Variants in SHPRH observed in about 807,000 individuals in gnomAD.
SHPRH encodes the protein SNF2 histone linker PHD RING helicase.
Under a neutral mutation model 202.5 loss-of-function variants are expected in SHPRH, and 106 were observed. That is an observed-to-expected ratio of 0.52 (90% CI 0.45 to 0.62). The LOEUF is 0.62. SHPRH is among the 20% of genes least tolerant of loss of function. The pLI is 0.00. For missense variants in SHPRH, 1,710 were observed against 2,020.0 expected, an observed-to-expected ratio of 0.85 and a Z score of 2.94; for synonymous variants, 729 against 686.0, an observed-to-expected ratio of 1.06 and a Z score of -0.98.
intron 5 of SHPRH, 75 bp downstream of exon 5, chr6:145,948,197 T>C: frequency 1.8e-6 from 2 of 1,120,058 alleles, no homozygotes; most frequent in African/African-American, 1.6e-5. Context: ...AAGTTACAGA[T>C]ATGCTAACAA....
chr6:145,943,283 G>T lies in SHPRH; in HGVS notation c.2098C>A (p.Pro700Thr), dbSNP rs1786991060. ...ACAAGGCAGTGGGGGCAGTAAAAAGGCTTGATCTTCAGATTTTTCTCATCA... is the reference window on the plus strand; with the variant it reads ...ACAAGGCAGTGGGGGCAGTAAAAAGTCTTGATCTTCAGATTTTTCTCATCA... The part of the protein sequence containing the change: ...NYDEKNLKIK[P>T]FYCPHCLVAM... The change falls in exon 9 of 30, where the codon CCT becomes ACT. Residue 700 changes from proline to threonine, a missense_variant. By Grantham distance (38) the Pro-to-Thr change is conservative (BLOSUM62 -1). This residue lies in a region of SHPRH where 277 missense variants were observed against 363.0 expected (regional missense o/e 0.76). Transcript: ENST00000275233. 6.2e-7 allele frequency: 1 copy of T among 1,613,734 alleles called. No individual in the cohort carries two copies. Among genetic ancestry groups the T allele is most frequent in the Non-Finnish European group, 8.5e-7 (1 of 1,179,902 alleles).
intron 23 of SHPRH, among the ~76,000 whole-genome samples, chr6:145,916,035 T>A (rs946988172): frequency 2.6e-5 from 4 of 151,926 alleles, no homozygotes; most frequent in African/African-American, 4.8e-5. Context: ...CCCTATTTTG[T>A]TCTTTTTCTA....
chr6:145,864,005 TGTGA>T (rs1335837501), downstream of SHPRH, among the ~76,000 whole-genome samples: 2 of 152,252 alleles, frequency 1.3e-5, no homozygotes, highest in African/African-American at 4.8e-5. Flanking sequence ...ATTTGCATCA[TGTGA>T]GTGTCTGGCT....
At chr6:145,952,285 G>T in intron 3 of SHPRH, 64 bp downstream of exon 3, 1 of 1,419,876 alleles carries the variant, frequency 7.0e-7, no homozygotes, top group Non-Finnish European at 9.5e-7. Flanking sequence ...TATGTCCAGG[G>T]GTTAGAGGAA....
intron 25 of SHPRH, chr6:145,907,871 G>A (rs1783112743): frequency 6.6e-6 from 1 of 152,106 alleles, no homozygotes; most frequent in Admixed American, 6.6e-5. Context: ...CATGTGCCAT[G>A]GTAGTTTGCT....
rs117641232 is a variant in SHPRH at position 145,901,100 on chromosome 6, A to T, written c.4516-6123T>A. 4.2e-3 allele frequency among the ~76,000 whole-genome samples: 638 copies of T among 152,270 alleles called. 18 individuals carry two copies. The East Asian group carries it at 0.071, about 17-fold the overall frequency. ...TTGTATACTACCATAAATATATACA[A>T]TATTTCATTTGACAGTTAACAAAGA... On this transcript the variant is annotated intron_variant, in intron 25 of 29. Transcript: ENST00000275233.
At chr6:145,878,984 A>G (rs1285247074) in intron 2 of SHPRH, among the ~76,000 whole-genome samples, 1 of 152,240 alleles carries the variant, frequency 6.6e-6, no homozygotes, top group African/African-American at 2.4e-5. Flanking sequence ...ATGGACTTCA[A>G]AAGATTTATA....
chr6:145,938,882 A>G (rs1458872979), intron 11 of SHPRH, among the ~76,000 whole-genome samples: 7 of 152,202 alleles, frequency 4.6e-5, no homozygotes, highest in Non-Finnish European at 8.8e-5. Context: ...GCATTCTTCC[A>G]TATTTGACAT....
At chr6:145,948,175 G>A in intron 5 of SHPRH, 97 bp downstream of exon 5, 4 of 813,408 alleles carry the variant, frequency 4.9e-6, no homozygotes, top group South Asian at 4.5e-5. Flanking sequence ...ATTCCTTCAT[G>A]AGGTAGAGTC....
chr6:145,889,650 A>G (rs191451381), intron 28 of SHPRH, among the ~76,000 whole-genome samples: 1 of 152,288 alleles, frequency 6.6e-6, no homozygotes, highest in African/African-American at 2.4e-5. Context: ...AATAAATTTC[A>G]TGTTTAGACT....
chr6:145,946,537 G>T (rs1229484554), intron 6 of SHPRH, among the ~76,000 whole-genome samples, 196 bp from the exon 7 acceptor site: 1 of 151,838 alleles, frequency 6.6e-6, no homozygotes. Flanking sequence ...AAAAAATTGT[G>T]CATATTATCT....
chr6:145,894,909 C>T lies in SHPRH; in HGVS notation c.4584G>A (p.Gly1528=). ...CCGTTGAGAAAACGAGTGCTTTGGC[C>T]CCTGGATCTCTAAGCTGTATTTTCA... ...TLMKIQLRDP[G]AKALVFSTWQ... Residue 1528 remains glycine (G), a synonymous_variant, in exon 26 of 30, where the codon GGG becomes GGA. Coordinates refer to ENST00000275233, the MANE Select transcript of SHPRH (RefSeq NM_001042683.3). The T allele has an allele frequency of 6.2e-7, 1 of 1,612,620 alleles. No individual in the cohort carries two copies. Among genetic ancestry groups the T allele is most frequent in the East Asian group, 2.2e-5 (1 of 44,790 alleles).
chr6:145,944,876 AGTGAGAACCCC>A (rs1787197415), intron 8 of SHPRH, among the ~76,000 whole-genome samples: 1 of 152,006 alleles, frequency 6.6e-6, no homozygotes, highest in South Asian at 2.1e-4. Flanking sequence ...TGGGCAACAT[AGTGAGAACCCC>A]GTCTCTACAA....
At chr6:145,902,367 A>G (rs1782575151) in intron 25 of SHPRH, among the ~76,000 whole-genome samples, 1 of 152,148 alleles carries the variant, frequency 6.6e-6, no homozygotes, top group African/African-American at 2.4e-5. Context: ...TCTGATTGGA[A>G]TAAGGTGTTC....
intron 25 of SHPRH, chr6:145,903,132 A>G (rs1413410610): frequency 2.0e-5 from 3 of 151,914 alleles, no homozygotes; most frequent in African/African-American, 7.2e-5. Flanking sequence ...GTTAATGTTC[A>G]TGTTATATAA....
In SHPRH at chr6:145,894,945, G is replaced by C; in HGVS notation, c.4548C>G (p.Val1516=). The C allele has an allele frequency of 1.2e-6, 2 of 1,612,894 alleles. No individual in the cohort carries two copies. The highest frequency in any genetic ancestry group is 1.7e-4 in the Middle Eastern group (1 of 6,052). ...TAAGCTGTATTTTCATCAGAGTTCT[G>C]ACCACAGCTTCCACTTTTGTAGAAT... ...GSHSTKVEAV[V]RTLMKIQLRD... is the part of the protein sequence containing the mutation. The change falls in exon 26 of 30, where the codon GTC becomes GTG. Residue 1516 remains valine (V), a synonymous_variant. Coordinates refer to ENST00000275233, the MANE Select transcript of SHPRH (RefSeq NM_001042683.3).
intron 25 of SHPRH, chr6:145,908,486 G>C (rs1484101239): frequency 6.6e-6 from 1 of 152,070 alleles, no homozygotes; most frequent in Non-Finnish European, 1.5e-5. Flanking sequence ...ATCTCATTGT[G>C]GTTCTGATTT....
intron 2 of SHPRH, among the ~76,000 whole-genome samples, chr6:145,870,161 T>A (rs1170247625): frequency 6.6e-6 from 1 of 152,068 alleles, no homozygotes; most frequent in Non-Finnish European, 1.5e-5. Flanking sequence ...ATTGCTGGTA[T>A]ATAGAAAAGC....
rs531105696 is a variant in SHPRH, at chr6:145,916,757, T to C, written c.4254+1374A>G. On this transcript the variant is annotated intron_variant, in intron 23 of 29. Transcript: ENST00000275233. ...AGAAATCTTACATTTAAAAAACTTA[T>C]GTTCAGGAATGTTGAGACATTTTTC... Among the ~76,000 whole-genome samples, 4 of 152,264 alleles carry C rather than the reference T, an allele frequency of 2.6e-5. No homozygotes were observed. In the South Asian group the frequency reaches 8.3e-4, roughly 32 times the overall value.
Sources: gnomAD v4.1 joint callset for allele counts (sites outside exome capture counted in the v4.1 genomes callset) on GRCh38, gnomAD v4.1.1 for gene constraint, gnomAD v4.1.1 regional missense constraint, MANE v1.5 for transcripts, NCBI Gene and HGNC (gene_info 2026-07-23, HGNC 2026-07-21) for gene names.